Variants in PVT1 observed in about 807,000 individuals in gnomAD.
The protein encoded by PVT1 is Pvt1 oncogene, also known as CXCR4/PVT1 fusion.
intron 2 of PVT1, among the ~76,000 whole-genome samples, chr8:127,832,546 G>T (rs573989228): frequency 3.7e-4 from 57 of 152,314 alleles, no homozygotes; most frequent in African/African-American, 1.3e-3. Flanking sequence ...GTCACTAGAG[G>T]TAATCAAGAA....
chr8:128,086,011 C>T lies in PVT1; in HGVS notation n.1115-10507C>T, dbSNP rs1332999182. Among the ~76,000 whole-genome samples the T allele has an allele frequency of 3.9e-5, 6 of 152,230 alleles. No individual in the cohort carries two copies. In the East Asian group the frequency reaches 9.6e-4, roughly 24 times the overall value. ...GACAAAAAGTGCCTTCCTTGTCAGC[C>T]GTCGAATGGTTAGAATTCAAATGAC... On this transcript the variant is annotated intron_variant and non_coding_transcript_variant, in intron 5 of 10. Coordinates refer to ENST00000651587, the Ensembl canonical transcript of PVT1.
intron 2 of PVT1, among the ~76,000 whole-genome samples, chr8:127,837,395 GTTT>G (rs368894030): frequency 1.4e-5 from 2 of 140,836 alleles, no homozygotes; most frequent in African/African-American, 5.2e-5. Flanking sequence ...TTTTGTTGTT[GTTT>G]TTTTTTTTTT....
chr8:127,924,935 A>G (rs1308142971), intron 3 of PVT1, among the ~76,000 whole-genome samples: 1 of 152,170 alleles, frequency 6.6e-6, no homozygotes, highest in Non-Finnish European at 1.5e-5. Flanking sequence ...GGCAGGAGCC[A>G]CGGTGCTCGG....
chr8:127,885,177 T>C (rs143125687), intron 2 of PVT1, among the ~76,000 whole-genome samples: 253 of 152,040 alleles, frequency 1.7e-3, no homozygotes, highest in African/African-American at 5.8e-3. Flanking sequence ...TGGTCACTTG[T>C]AGGAGCCGAG....
chr8:128,030,717 T>C (rs1210723576), intron 4 of PVT1, among the ~76,000 whole-genome samples: 3 of 152,224 alleles, frequency 2.0e-5, no homozygotes, highest in Admixed American at 2.0e-4. Context: ...ATTCTGTTAA[T>C]AGTTACTGAG....
intron 2 of PVT1, among the ~76,000 whole-genome samples, chr8:127,862,395 G>A (rs992695316): frequency 2.0e-5 from 3 of 151,528 alleles, no homozygotes; most frequent in Non-Finnish European, 2.9e-5. Flanking sequence ...AAGACAGAGT[G>A]AGACTCCATC....
intron 2 of PVT1, among the ~76,000 whole-genome samples, chr8:127,877,110 C>G (rs1451957973): frequency 6.6e-6 from 1 of 152,156 alleles, no homozygotes; most frequent in Non-Finnish European, 1.5e-5. Flanking sequence ...GGAAAGTTTC[C>G]TCTCGCCGAG....
intron 4 of PVT1, among the ~76,000 whole-genome samples, chr8:128,033,767 C>CT (rs774660484): frequency 6.6e-6 from 1 of 152,194 alleles, no homozygotes; most frequent in African/African-American, 2.4e-5. Flanking sequence ...GTTGGAGCTG[C>CT]TTCCCCTCCT....
chr8:128,018,698 T>C (rs982125937), intron 4 of PVT1, among the ~76,000 whole-genome samples: 2 of 152,204 alleles, frequency 1.3e-5, no homozygotes, highest in South Asian at 4.1e-4. Flanking sequence ...GGCTGCATCC[T>C]GACATTGAAG....
At chr8:127,825,325 G>T (rs1586395367) in intron 2 of PVT1, among the ~76,000 whole-genome samples, 1 of 151,986 alleles carries the variant, frequency 6.6e-6, no homozygotes, top group Non-Finnish European at 1.5e-5. Flanking sequence ...TCCCCATTTG[G>T]TTACACCAAG....
chr8:127,934,992 A>G (rs1434505467), intron 3 of PVT1, among the ~76,000 whole-genome samples: 1 of 151,680 alleles, frequency 6.6e-6, no homozygotes, highest in East Asian at 1.9e-4. Context: ...TTTTTTTGAG[A>G]CAGAGTTTCA....
intron 4 of PVT1, among the ~76,000 whole-genome samples, chr8:128,053,646 T>C (rs1014391273): frequency 2.6e-5 from 4 of 152,128 alleles, no homozygotes; most frequent in African/African-American, 9.7e-5. Flanking sequence ...AGGCAGCATG[T>C]TTATGAGACA....
rs150632724 is a variant in PVT1 at position 127,849,368 on chromosome 8, C to G, written n.373-41221C>G. 3.8e-3 allele frequency among the ~76,000 whole-genome samples: 583 copies of G among 152,260 alleles called. 4 individuals are homozygous for G. Among genetic ancestry groups the G allele is most frequent in the African/African-American group, 0.013 (553 of 41,532 alleles). On this transcript the variant is annotated intron_variant and non_coding_transcript_variant, in intron 2 of 10. Transcript: ENST00000651587. ...AAACAGCTCTGGGGACCCTCATAGG[C>G]TTCCACTTATTGAGGATTAGGCAGA...
intron 3 of PVT1, among the ~76,000 whole-genome samples, chr8:127,912,979 TGA>T (rs1815925388): frequency 6.6e-6 from 1 of 152,242 alleles, no homozygotes; most frequent in Non-Finnish European, 1.5e-5. Context: ...ATTACAGGCG[TGA>T]GCCACGCCCA....
chr8:127,988,351 C>T (rs189812733), intron 3 of PVT1, among the ~76,000 whole-genome samples: 126 of 152,292 alleles, frequency 8.3e-4, no homozygotes, highest in Non-Finnish European at 1.3e-4. Flanking sequence ...AAAAGGGCAC[C>T]GTACTGTAAA....
chr8:127,857,024 G>T lies in PVT1; in HGVS notation n.373-33565G>T, dbSNP rs528902769. 5.3e-5 allele frequency among the ~76,000 whole-genome samples: 8 copies of T among 152,184 alleles called. No homozygotes were observed. The South Asian group carries it at 1.7e-3, about 32-fold the overall frequency. On this transcript the variant is annotated intron_variant and non_coding_transcript_variant, in intron 2 of 10. Transcript: ENST00000651587. ...GTGGATTGCTTGAGGTCAGAAGTTC[G>T]AGACCAGCCTGGCCAACATGGCGAA...
At chr8:128,041,425 GTGTT>G (rs560930234) in intron 4 of PVT1, among the ~76,000 whole-genome samples, 2,513 of 149,076 alleles carry the variant, frequency 0.017, 75 homozygotes, top group African/African-American at 0.059. Context: ...TTGTGCTCGT[GTGTT>G]TGTGTGCATG....
chr8:127,800,004 C>T (rs1033000901), intron 2 of PVT1, among the ~76,000 whole-genome samples: 2 of 152,174 alleles, frequency 1.3e-5, no homozygotes, highest in African/African-American at 2.4e-5. Flanking sequence ...GGCTGTCCCT[C>T]GGATGTCAGA....
chr8:127,916,979 A>G (rs1465221483), intron 3 of PVT1, among the ~76,000 whole-genome samples: 2 of 152,210 alleles, frequency 1.3e-5, no homozygotes, highest in Non-Finnish European at 2.9e-5. Flanking sequence ...TTTAGATGTT[A>G]GGATGGATTA....
Sources: allele counts gnomAD v4.1 joint callset (sites outside exome capture counted in the v4.1 genomes callset), GRCh38; gene constraint gnomAD v4.1.1; transcripts MANE v1.5; gene names NCBI Gene and HGNC (gene_info 2026-07-23, HGNC 2026-07-21).